The following SLC8A1 variants were observed in gnomAD, a reference collection of about 807,000 sequenced individuals.
SLC8A1 encodes solute carrier family 8 member A1, also known as sodium/calcium exchanger 1.
SLC8A1 carries 18 observed loss-of-function variants against 68.3 expected under a neutral mutation model. That is an observed-to-expected ratio of 0.26 (90% CI 0.18 to 0.39). The LOEUF (loss-of-function observed/expected upper bound fraction) is 0.39. Ranked by LOEUF, SLC8A1 falls within the 10% of genes least tolerant of loss-of-function variation. The pLI is 1.00. For missense variants in SLC8A1, 985 were observed against 1,156.7 expected, an observed-to-expected ratio of 0.85 and a Z score of 2.15; for synonymous variants, 475 against 415.5, an observed-to-expected ratio of 1.14 and a Z score of -1.74.
intron 2 of SLC8A1, among the ~76,000 whole-genome samples, chr2:40,252,570 G>A (rs1187021248): frequency 6.6e-6 from 1 of 152,102 alleles, no homozygotes; most frequent in Non-Finnish European, 1.5e-5. Flanking sequence ...CTGACCTCAA[G>A]TGATCCACCT....
chr2:40,315,234 T>C (rs1157907873), intron 2 of SLC8A1, among the ~76,000 whole-genome samples: 1 of 152,020 alleles, frequency 6.6e-6, no homozygotes, highest in Non-Finnish European at 1.5e-5. Context: ...GCCTTTTCAA[T>C]ATCTATTGAG....
intron 2 of SLC8A1, among the ~76,000 whole-genome samples, chr2:40,414,194 G>C (rs1436970071): frequency 6.6e-6 from 1 of 152,136 alleles, no homozygotes; most frequent in African/African-American, 2.4e-5. Flanking sequence ...ATTATTTGCT[G>C]TCTCTCATTT....
intron 2 of SLC8A1, among the ~76,000 whole-genome samples, chr2:40,308,030 AATAAT>A (rs1420405806): frequency 8.3e-4 from 126 of 152,316 alleles, no homozygotes; most frequent in African/African-American, 2.8e-3. Flanking sequence ...AATGAAATAA[AATAAT>A]ATAAATAAAA....
In SLC8A1 at chr2:40,259,016, A is replaced by ACATAT. The variant is rs142715648; in HGVS notation, c.1809-81162_1809-81161insATATG. ...TAGATTAATTACTATAAATTGTGAG[A>ACATAT]CATAAAGAGACCTCAGAGATGCTGA... On this transcript the variant is annotated intron_variant, in intron 2 of 7. Transcript: ENST00000406785. 1.3e-4 allele frequency among the ~76,000 whole-genome samples: 3 copies of ACATAT among 22,736 alleles called. No homozygotes were observed. In the East Asian group the frequency reaches 0.038, roughly 291 times the overall value. The allele number at this position is 22,736 out of a possible 152,430, so 14.9% of individuals were successfully genotyped here.
intron 6 of SLC8A1, among the ~76,000 whole-genome samples, chr2:40,142,059 T>C (rs1278888711): frequency 6.6e-6 from 1 of 152,208 alleles, no homozygotes; most frequent in Non-Finnish European, 1.5e-5. Flanking sequence ...ACAGCAGCCC[T>C]AGCAAACTAC....
At chr2:40,171,446 A>C (rs984395479) in intron 4 of SLC8A1, among the ~76,000 whole-genome samples, 1 of 152,352 alleles carries the variant, frequency 6.6e-6, no homozygotes, top group East Asian at 1.9e-4. Context: ...GTGAGCCAGA[A>C]TACTTAATTT....
chr2:40,291,330 G>T (rs1414949359), intron 2 of SLC8A1, among the ~76,000 whole-genome samples: 1 of 152,178 alleles, frequency 6.6e-6, no homozygotes, highest in Non-Finnish European at 1.5e-5. Flanking sequence ...TGATGACACA[G>T]CTTTATAGCT....
intron 2 of SLC8A1, among the ~76,000 whole-genome samples, chr2:40,200,251 T>TATTTATATATATATATAAATAA (rs1558723628): frequency 1.5e-5 from 1 of 68,510 alleles, no homozygotes; most frequent in Non-Finnish European, 2.8e-5. Context: ...TATATATATA[T>TATTTATATATATATATAAATAA]ATATATATAT....
At chr2:40,278,204 C>G (rs71439291) in intron 2 of SLC8A1, among the ~76,000 whole-genome samples, 1 of 151,940 alleles carries the variant, frequency 6.6e-6, no homozygotes, top group African/African-American at 2.4e-5. Flanking sequence ...GGTGCAGGGG[C>G]TCACACCTGT....
chr2:40,375,913 G>A (rs77073145), intron 2 of SLC8A1, among the ~76,000 whole-genome samples: 4,084 of 152,118 alleles, frequency 0.027, 79 homozygotes, highest in Non-Finnish European at 0.039. Context: ...ACATGGGAGA[G>A]TCGCTTGAGC....
chr2:40,449,970 A>C (rs1239900309), intron 1 of SLC8A1, among the ~76,000 whole-genome samples: 1 of 152,226 alleles, frequency 6.6e-6, no homozygotes, highest in Admixed American at 6.5e-5. Context: ...AATCTTAGCT[A>C]AAGAGCCGTG....
intron 2 of SLC8A1, among the ~76,000 whole-genome samples, chr2:40,292,107 G>A (rs546371070): frequency 1.3e-5 from 2 of 152,126 alleles, no homozygotes; most frequent in South Asian, 2.1e-4. Flanking sequence ...ATTACAAGTG[G>A]TACAGTGGAA....
intron 2 of SLC8A1, among the ~76,000 whole-genome samples, chr2:40,387,497 C>G (rs1415758969): frequency 1.8e-4 from 28 of 151,364 alleles, no homozygotes. Context: ...GACAAACTAC[C>G]TAAGAGTACC....
chr2:40,155,502 A>G (rs1283371358), intron 6 of SLC8A1, among the ~76,000 whole-genome samples: 5 of 152,228 alleles, frequency 3.3e-5, no homozygotes, highest in South Asian at 4.1e-4. Context: ...AGTAATGACA[A>G]TTTCCCCATA....
At chr2:40,266,680 T>C (rs1262990057) in intron 2 of SLC8A1, among the ~76,000 whole-genome samples, 2 of 152,168 alleles carry the variant, frequency 1.3e-5, no homozygotes, top group Non-Finnish European at 2.9e-5. Flanking sequence ...CATATGCACA[T>C]TGTGTACCTC....
intron 2 of SLC8A1, among the ~76,000 whole-genome samples, chr2:40,345,993 C>T (rs1669122314): frequency 6.7e-6 from 1 of 148,478 alleles, no homozygotes; most frequent in South Asian, 2.1e-4. Flanking sequence ...CACGTGTATC[C>T]CCAGAACTTA....
At chr2:40,303,055 G>A (rs1012374520) in intron 2 of SLC8A1, among the ~76,000 whole-genome samples, 2 of 152,218 alleles carry the variant, frequency 1.3e-5, no homozygotes, top group Non-Finnish European at 2.9e-5. Context: ...CTTGTAGACT[G>A]TAAGCACTAG....
At chr2:40,235,792 A>G (rs2148925573) in intron 2 of SLC8A1, among the ~76,000 whole-genome samples, 1 of 148,786 alleles carries the variant, frequency 6.7e-6, no homozygotes, top group Admixed American at 6.7e-5. Flanking sequence ...AGATTCTGGT[A>G]TGTTGTGTCT....
intron 7 of SLC8A1, among the ~76,000 whole-genome samples, chr2:40,134,242 CCACCACGCCCAG>C (rs2040055848): frequency 6.6e-6 from 1 of 152,006 alleles, no homozygotes; most frequent in Admixed American, 6.6e-5. Context: ...CAGGTGCCCA[CCACCACGCCCAG>C]CTAATTTTTG....
Sources: allele counts gnomAD v4.1 joint callset (sites outside exome capture counted in the v4.1 genomes callset), GRCh38; gene constraint gnomAD v4.1.1; transcripts MANE v1.5; gene names NCBI Gene and HGNC (gene_info 2026-07-23, HGNC 2026-07-21).